Variants in ADAMTS6 observed in about 807,000 individuals in gnomAD.
The protein encoded by ADAMTS6 is ADAM metallopeptidase with thrombospondin type 1 motif 6, also known as A disintegrin and metalloproteinase with thrombospondin motifs 6.
A neutral mutation model predicts 144.3 loss-of-function variants in ADAMTS6; 23 were observed. That is an observed-to-expected ratio of 0.16 (90% confidence interval 0.11 to 0.23). The LOEUF (loss-of-function observed/expected upper bound fraction) is 0.23. Among genes scored for constraint, ADAMTS6 ranks in the 10% least tolerant of loss-of-function variants. The pLI is 1.00. For missense variants in ADAMTS6, 999 were observed against 1,379.6 expected (o/e 0.72, Z 4.37); for synonymous variants, 444 against 457.5 (o/e 0.97, Z 0.38).
intron 1 of ADAMTS6, among the ~76,000 whole-genome samples, chr5:65,475,176 G>A (rs1760756903): frequency 6.6e-6 from 1 of 152,054 alleles, no homozygotes. Context: ...AATCACTTTA[G>A]GCATATAAAA....
chr5:65,451,146 T>C (rs11959502), intron 7 of ADAMTS6, among the ~76,000 whole-genome samples: 4,355 of 152,296 alleles, frequency 0.029, 208 homozygotes, highest in African/African-American at 0.098. Flanking sequence ...TTTTCTCATA[T>C]GTTTTAATCT....
At chr5:65,171,474 C>T (rs1045479813) in intron 23 of ADAMTS6, among the ~76,000 whole-genome samples, 2 of 152,192 alleles carry the variant, frequency 1.3e-5, no homozygotes, top group African/African-American at 4.8e-5. Flanking sequence ...CTTGCTATCA[C>T]TCCAACAATT....
intron 24 of ADAMTS6, among the ~76,000 whole-genome samples, chr5:65,168,106 A>G (rs1579941711): frequency 6.6e-6 from 1 of 151,490 alleles, no homozygotes; most frequent in East Asian, 2.0e-4. Context: ...CCCTGTTTGC[A>G]GACGACATGA....
chr5:65,386,827 T>A (rs1409503652), intron 7 of ADAMTS6, among the ~76,000 whole-genome samples: 2 of 152,190 alleles, frequency 1.3e-5, no homozygotes, highest in Non-Finnish European at 2.9e-5. Context: ...CCTCAAGTGA[T>A]CCATTCGCCT....
At chr5:65,359,915 A>C (rs936942453) in intron 7 of ADAMTS6, among the ~76,000 whole-genome samples, 1 of 152,198 alleles carries the variant, frequency 6.6e-6, no homozygotes, top group Admixed American at 6.5e-5. Flanking sequence ...TACGTTTTCG[A>C]GATCTATTTT....
At chr5:65,271,394 A>AAAAACACAAAT (rs1762045327) in intron 12 of ADAMTS6, among the ~76,000 whole-genome samples, 1 of 151,866 alleles carries the variant, frequency 6.6e-6, no homozygotes, top group Non-Finnish European at 1.5e-5. Context: ...AAAAAAAAAA[A>AAAAACACAAAT]AAAACACAAA....
chr5:65,305,044 T>C (rs916432038), intron 9 of ADAMTS6, among the ~76,000 whole-genome samples: 1 of 151,786 alleles, frequency 6.6e-6, no homozygotes, highest in Non-Finnish European at 1.5e-5. Flanking sequence ...GACAGCTATA[T>C]AAGACAATAT....
intron 7 of ADAMTS6, among the ~76,000 whole-genome samples, chr5:65,436,129 G>T (rs1434656337): frequency 6.6e-6 from 1 of 151,976 alleles, no homozygotes; most frequent in Admixed American, 6.6e-5. Flanking sequence ...TTTGGGAGAG[G>T]CCGAAGAATT....
intron 7 of ADAMTS6, among the ~76,000 whole-genome samples, chr5:65,426,096 G>A (rs1251835088): frequency 1.3e-5 from 2 of 148,760 alleles, no homozygotes; most frequent in Non-Finnish European, 3.0e-5. Flanking sequence ...TCCCAGGCTA[G>A]AGTGCAATGG....
At position 65,273,330 on chromosome 5, in the gene ADAMTS6, T is replaced by C. The variant is rs775164559; in HGVS notation, c.1620+10A>G. 2.5e-6 allele frequency: 4 copies of C among 1,612,014 alleles called. No homozygotes were observed. Among genetic ancestry groups the C allele is most frequent in the Admixed American group, 3.3e-5 (2 of 60,020 alleles). On this transcript the variant is annotated intron_variant, in intron 12 of 24. Coordinates refer to ENST00000381055, the MANE Select transcript of ADAMTS6 (RefSeq NM_197941.4). Reference sequence around the variant, plus strand: ...TACATGTCAAACAGGTAGTAAATCATTGAGCTTACCCCTTTTTCAATATTC... The same window carrying C: ...TACATGTCAAACAGGTAGTAAATCACTGAGCTTACCCCTTTTTCAATATTC...
At chr5:65,275,466 G>GAGAA (rs149798134) in intron 11 of ADAMTS6, among the ~76,000 whole-genome samples, 9 of 150,958 alleles carry the variant, frequency 6.0e-5, no homozygotes, top group African/African-American at 1.7e-4. Context: ...AAGAAAGAAA[G>GAGAA]AGAAAGAAAG....
At chr5:65,235,744 T>A (rs901381053) in intron 15 of ADAMTS6, among the ~76,000 whole-genome samples, 2 of 152,186 alleles carry the variant, frequency 1.3e-5, no homozygotes, top group Admixed American at 6.5e-5. Flanking sequence ...TGGGACCTTG[T>A]GATCGTGTGA....
chr5:65,273,459 G>T lies in ADAMTS6; in HGVS notation c.1513-12C>A. The stretch of plus-strand genomic sequence containing the variant: ...TCTCTACACACTTCCTAGGAAAGAA[G>T]GCAAAAGCAAGTTGATCAGAAATAG... On this transcript the variant is annotated splice_polypyrimidine_tract_variant and intron_variant, in intron 11 of 24. Coordinates refer to ENST00000381055, the MANE Select transcript of ADAMTS6 (RefSeq NM_197941.4). 1 of 1,605,514 alleles carries T rather than the reference G, an allele frequency of 6.2e-7. No homozygotes were observed. Among genetic ancestry groups the T allele is most frequent in the Non-Finnish European group, 8.5e-7 (1 of 1,172,848 alleles).
intron 10 of ADAMTS6, among the ~76,000 whole-genome samples, chr5:65,299,562 G>A (rs1014693014): frequency 1.3e-5 from 2 of 151,992 alleles, no homozygotes; most frequent in African/African-American, 4.8e-5. Context: ...TTTCCTTGGT[G>A]TTTGGTTTTT....
intron 22 of ADAMTS6, among the ~76,000 whole-genome samples, chr5:65,178,239 A>G (rs1754103105): frequency 6.6e-6 from 1 of 152,186 alleles, no homozygotes; most frequent in Non-Finnish European, 1.5e-5. Flanking sequence ...TTCATCAATC[A>G]GAGGGAGGAA....
In ADAMTS6 at chr5:65,302,007, A is replaced by G. The variant is rs1165591102; in HGVS notation, c.1224-1876T>C. On this transcript the variant is annotated intron_variant, in intron 9 of 24. Transcript: ENST00000381055. ...CTCAGGAGGCTGAGACATGAGAATC[A>G]CTTGAACTCAGGAGGCAGAAGTTGC... is the stretch of plus-strand genomic sequence containing the variant. 2.0e-5 allele frequency among the ~76,000 whole-genome samples: 3 copies of G among 149,728 alleles called. No individual in the cohort carries two copies. In the Admixed American group the frequency reaches 2.0e-4, roughly 10 times the overall value.
intron 18 of ADAMTS6, among the ~76,000 whole-genome samples, chr5:65,219,534 C>T (rs1051927651): frequency 6.6e-6 from 1 of 152,130 alleles, no homozygotes; most frequent in African/African-American, 2.4e-5. Flanking sequence ...CAGAAGACAG[C>T]TGGGGTAGCT....
At chr5:65,197,216 A>T in intron 20 of ADAMTS6, 65 bp from the exon 21 acceptor site, 1 of 1,559,254 alleles carries the variant, frequency 6.4e-7, no homozygotes, top group East Asian at 2.3e-5. Context: ...AGGTATGCAT[A>T]GCTTTCCTCT....
intron 20 of ADAMTS6, among the ~76,000 whole-genome samples, chr5:65,202,010 C>T (rs11953426): frequency 0.14 from 21,779 of 152,198 alleles, 1,639 homozygotes; most frequent in Non-Finnish European, 0.17. Context: ...TGGAATCTGG[C>T]TGTTGTGCCG....
Sources: gnomAD v4.1 joint callset for allele counts (sites outside exome capture counted in the v4.1 genomes callset) on GRCh38, gnomAD v4.1.1 for gene constraint, MANE v1.5 for transcripts, NCBI Gene and HGNC (gene_info 2026-07-23, HGNC 2026-07-21) for gene names.